The following GSG1L variants were observed in gnomAD, a reference collection of about 807,000 sequenced individuals.
GSG1L encodes germ cell-specific gene 1-like protein.
In GSG1L, 24 loss-of-function variants were observed where a neutral mutation model predicts 42.1. The ratio of observed to expected loss-of-function variants is 0.57; its 90% CI spans 0.41 to 0.80. GSG1L has a LOEUF of 0.80. Among genes scored for constraint, GSG1L ranks in the 30% least tolerant of loss-of-function variants. The pLI is 0.00. For synonymous variants in GSG1L, 215 were observed against 203.5 expected (o/e 1.06, Z -0.48); for missense variants, 445 against 472.2 (o/e 0.94, Z 0.53).
At chr16:27,919,762 C>T (rs1408794753) in intron 2 of GSG1L, among the ~76,000 whole-genome samples, 5 of 152,130 alleles carry the variant, frequency 3.3e-5, no homozygotes, top group African/African-American at 1.2e-4. Flanking sequence ...GAGGGGGAGT[C>T]GGCTCAACAT....
chr16:28,013,081 G>A (rs1010693095), intron 1 of GSG1L, among the ~76,000 whole-genome samples: 18 of 151,686 alleles, frequency 1.2e-4, no homozygotes, highest in African/African-American at 2.7e-4. Flanking sequence ...AAAATTAGCC[G>A]TGCATGGTGG....
At chr16:27,958,420 AAAAAAAAG>A (rs2085030539) in intron 2 of GSG1L, among the ~76,000 whole-genome samples, 1 of 151,092 alleles carries the variant, frequency 6.6e-6, no homozygotes, top group Non-Finnish European at 1.5e-5. Flanking sequence ...CTAAAAAAAA[AAAAAAAAG>A]AAAAGAAAAC....
At chr16:27,864,151 C>T (rs2083688111) in intron 3 of GSG1L, among the ~76,000 whole-genome samples, 1 of 152,208 alleles carries the variant, frequency 6.6e-6, no homozygotes, top group South Asian at 2.1e-4. Context: ...CCACAAACAT[C>T]CTAGAACTGA....
chr16:27,975,653 T>C (rs2085242683), intron 1 of GSG1L, among the ~76,000 whole-genome samples: 1 of 152,292 alleles, frequency 6.6e-6, no homozygotes, highest in Middle Eastern at 3.4e-3. Flanking sequence ...AGAATTCATA[T>C]TCTATCTCTC....
chr16:28,044,249 C>T (rs776285470), intron 1 of GSG1L, among the ~76,000 whole-genome samples: 10 of 151,512 alleles, frequency 6.6e-5, no homozygotes, highest in Middle Eastern at 3.4e-3. Context: ...TGGTGGCACA[C>T]GCCTGTAATC....
At chr16:27,851,682 T>C (rs1023815005) in intron 3 of GSG1L, among the ~76,000 whole-genome samples, 3 of 152,098 alleles carry the variant, frequency 2.0e-5, no homozygotes, top group Admixed American at 6.5e-5. Flanking sequence ...GTGTTGCTTG[T>C]TGTGTGAGAT....
At position 27,888,487 on chromosome 16, in the gene GSG1L, CTTTCTTTCTTTCTTT is replaced by C. The variant is rs1567505903; in HGVS notation, c.398-3864_398-3850del. Among the ~76,000 whole-genome samples the C allele has an allele frequency of 4.8e-3, 63 of 13,090 alleles. 3 individuals are homozygous for C. Among genetic ancestry groups the C allele is most frequent in the African/African-American group, 0.017 (46 of 2,686 alleles). 8.6% of individuals were successfully genotyped at this position (13,090 alleles called of 152,430 possible). ...TTCTCTCTCTCTCTCTCTTTCCTTT[CTTTCTTTCTTTCTTT>C]CTTTCTTTCTTTCTTTCTTTCTTTC... On this transcript the variant is annotated intron_variant, in intron 2 of 6. Transcript: ENST00000447459.
Position 27,920,277 on chromosome 16 carries a change from T to G in GSG1L, c.398-35639A>C, listed in dbSNP as rs2084508923. Among the ~76,000 whole-genome samples the G allele has an allele frequency of 3.3e-5, 5 of 152,352 alleles. No individual in the cohort carries two copies. In the South Asian group the frequency reaches 1.0e-3, roughly 32 times the overall value. On this transcript the variant is annotated intron_variant, in intron 2 of 6. Transcript: ENST00000447459. ...GTGCCTACTGTATCTTTGCTGACCC[T>G]AGTCTGTGGGCTTTTTTGGACTGTA...
intron 2 of GSG1L, among the ~76,000 whole-genome samples, chr16:27,902,929 G>T (rs955041136): frequency 6.6e-6 from 1 of 152,138 alleles, no homozygotes; most frequent in Admixed American, 6.6e-5. Flanking sequence ...CCATGCTGCA[G>T]CTGGGAGGTG....
chr16:27,812,393 C>T (rs11074881), intron 5 of GSG1L, among the ~76,000 whole-genome samples: 30,523 of 152,208 alleles, frequency 0.2, 3,419 homozygotes, highest in African/African-American at 0.31. Context: ...AAGGCTCAGA[C>T]AGTAAATATG....
At chr16:27,923,700 C>T (rs1436852130) in intron 2 of GSG1L, among the ~76,000 whole-genome samples, 5 of 147,132 alleles carry the variant, frequency 3.4e-5, no homozygotes, top group Non-Finnish European at 7.4e-5. Context: ...AGCCACTGCA[C>T]TCCAGCCTGG....
chr16:27,919,796 G>A (rs1302296721), intron 2 of GSG1L, among the ~76,000 whole-genome samples: 1 of 152,208 alleles, frequency 6.6e-6, no homozygotes, highest in Non-Finnish European at 1.5e-5. Context: ...ATAATATGGA[G>A]TCCATATCAT....
intron 2 of GSG1L, among the ~76,000 whole-genome samples, chr16:27,889,489 G>A (rs935941170): frequency 1.3e-5 from 2 of 152,108 alleles, no homozygotes; most frequent in South Asian, 2.1e-4. Context: ...TTGATGTCCC[G>A]CCCAATCTCC....
intron 1 of GSG1L, among the ~76,000 whole-genome samples, chr16:27,982,913 G>GA (rs1379578142): frequency 1.3e-5 from 2 of 152,174 alleles, no homozygotes; most frequent in East Asian, 3.8e-4. Flanking sequence ...CAACATGGGG[G>GA]ATCACATTTC....
At chr16:28,004,689 G>A (rs183447907) in intron 1 of GSG1L, among the ~76,000 whole-genome samples, 574 of 152,154 alleles carry the variant, frequency 3.8e-3, no homozygotes, top group Non-Finnish European at 6.6e-3. Flanking sequence ...GGGGCAGGAA[G>A]TTTGCTTAAA....
At chr16:28,016,069 C>A (rs1380345080) in intron 1 of GSG1L, among the ~76,000 whole-genome samples, 1 of 152,222 alleles carries the variant, frequency 6.6e-6, no homozygotes, top group Admixed American at 6.5e-5. Context: ...CGGCTCACTG[C>A]AGCCTCCACC....
At chr16:27,868,418 C>A (rs2083759222) in intron 3 of GSG1L, among the ~76,000 whole-genome samples, 1 of 152,228 alleles carries the variant, frequency 6.6e-6, no homozygotes, top group Admixed American at 6.5e-5. Flanking sequence ...GGGCCAGCCA[C>A]AGGGGATATG....
intron 6 of GSG1L, among the ~76,000 whole-genome samples, chr16:27,807,203 A>C (rs908026967): frequency 6.6e-6 from 1 of 152,164 alleles, no homozygotes; most frequent in African/African-American, 2.4e-5. Flanking sequence ...TGGCTAACCC[A>C]GGCCTGGCCT....
intron 6 of GSG1L, among the ~76,000 whole-genome samples, chr16:27,800,862 T>C (rs2082873681): frequency 6.6e-6 from 1 of 152,158 alleles, no homozygotes; most frequent in African/African-American, 2.4e-5. Context: ...CCTGTTCTCA[T>C]GGCACTTGGT....
Sources: gnomAD v4.1 joint callset for allele counts (sites outside exome capture counted in the v4.1 genomes callset) on GRCh38, gnomAD v4.1.1 for gene constraint, MANE v1.5 for transcripts, NCBI Gene and HGNC (gene_info 2026-07-23, HGNC 2026-07-21) for gene names.